SMU1: variants seen among roughly 807,000 people sequenced by gnomAD.
The protein encoded by SMU1 is WD40 repeat-containing protein SMU1.
Under a neutral mutation model 62.0 loss-of-function variants are expected in SMU1, and 2 were observed. The observed-to-expected ratio is 0.03, with a 90% CI of 0.01 to 0.10. SMU1 has a LOEUF of 0.10. Among genes scored for constraint, SMU1 ranks in the 10% least tolerant of loss-of-function variants. The pLI is 1.00. For missense variants in SMU1, 227 were observed against 622.1 expected (o/e 0.36, Z 6.76); for synonymous variants, 188 against 212.4 (o/e 0.89, Z 1.00).
chr9:33,065,131 T>A (rs946843172), intron 4 of SMU1, among the ~76,000 whole-genome samples: 1 of 152,206 alleles, frequency 6.6e-6, no homozygotes, highest in Non-Finnish European at 1.5e-5. Context: ...TCTATAATTT[T>A]AGCCAAAACC....
chr9:33,067,431 GC>G (rs1178263731), intron 4 of SMU1, among the ~76,000 whole-genome samples: 8 of 151,226 alleles, frequency 5.3e-5, no homozygotes, highest in African/African-American at 1.9e-4. Flanking sequence ...TTCACTGTAA[GC>G]CCTGAAGTAC....
At chr9:33,049,403 C>T (rs1471685940) in intron 10 of SMU1, among the ~76,000 whole-genome samples, 1 of 152,138 alleles carries the variant, frequency 6.6e-6, no homozygotes, top group African/African-American at 2.4e-5. Flanking sequence ...TGTATCTAGA[C>T]ACAATAAAAT....
rs1024220933 is a variant in SMU1, at chr9:33,044,517, G to C, written c.*2776C>G. ...CGACCCCGCCGCGGTCTGGCTGTAA[G>C]GGCGCTGGAGGGGAGCTGGGCTGCC... is the stretch of plus-strand genomic sequence containing the variant. On this transcript the variant is annotated 3_prime_UTR_variant, in exon 12 of 12. Coordinates refer to ENST00000397149, the MANE Select transcript of SMU1 (RefSeq NM_018225.3). 3 of 152,322 alleles carry C rather than the reference G, an allele frequency of 2.0e-5. No homozygotes were observed. Among genetic ancestry groups the C allele is most frequent in the African/African-American group, 7.2e-5 (3 of 41,472 alleles). 9.4% of individuals were successfully genotyped at this position (152,322 alleles called of 1,614,324 possible). A position where few individuals can be genotyped will look rare whatever the true frequency, so the allele number is the denominator to read the frequency against.
At chr9:33,047,683 C>A (rs145326715) in intron 11 of SMU1, among the ~76,000 whole-genome samples, 91 of 152,024 alleles carry the variant, frequency 6.0e-4, no homozygotes, top group Middle Eastern at 3.4e-3. Flanking sequence ...CAGGGTGAAA[C>A]CCCGTCTCCA....
chr9:33,048,030 A>G, intron 11 of SMU1, 76 bp downstream of exon 11: 1 of 1,378,068 alleles, frequency 7.3e-7, no homozygotes, highest in South Asian at 1.3e-5. Flanking sequence ...GCTCTGGAAA[A>G]GGCACATACT....
rs996082259 is a variant in SMU1 at position 33,044,020 on chromosome 9, C to T, written c.*3273G>A. ...AAAAAAAAAAAAAAAAAAAGCCATA[C>T]TACTCCCAAATACCTCCGCGCAATG... is the stretch of plus-strand genomic sequence containing the variant. On this transcript the variant is annotated 3_prime_UTR_variant, in exon 12 of 12. Coordinates refer to ENST00000397149, the MANE Select transcript of SMU1 (RefSeq NM_018225.3). 7 of 141,636 alleles carry T rather than the reference C, an allele frequency of 4.9e-5. No homozygotes were observed. Among genetic ancestry groups the T allele is most frequent in the African/African-American group, 1.3e-4 (5 of 38,988 alleles). 8.8% of individuals were successfully genotyped at this position (141,636 alleles called of 1,614,324 possible).
At chr9:33,061,805 CA>C (rs1444007511) in intron 5 of SMU1, among the ~76,000 whole-genome samples, 2 of 152,184 alleles carry the variant, frequency 1.3e-5, no homozygotes, top group Admixed American at 6.5e-5. Context: ...GGAAGAAGTG[CA>C]AGGGCAGATG....
intron 1 of SMU1, among the ~76,000 whole-genome samples, chr9:33,075,923 A>C (rs181634405): frequency 9.2e-5 from 14 of 152,324 alleles, no homozygotes; most frequent in Admixed American, 5.9e-4. Context: ...TTTCTAGCCC[A>C]GTCTCCAGTC....
In SMU1 at chr9:33,045,932, A is replaced by G. The variant is rs545727650; in HGVS notation, c.*1361T>C. 6.6e-6 allele frequency: 1 copy of G among 152,372 alleles called. No individual in the cohort carries two copies. The highest frequency in any genetic ancestry group is 6.5e-5 in the Admixed American group (1 of 15,312). 9.4% of individuals were successfully genotyped at this position (152,372 alleles called of 1,614,324 possible). A position where few individuals can be genotyped will look rare whatever the true frequency, so the allele number is the denominator to read the frequency against. ...CCTTCCCCACTAGTTTGTACCTAATAAATGCTAACATTTAAAAGGGGGCAC... is the reference window on the plus strand; with the variant it reads ...CCTTCCCCACTAGTTTGTACCTAATGAATGCTAACATTTAAAAGGGGGCAC... On this transcript the variant is annotated 3_prime_UTR_variant, in exon 12 of 12. Transcript: ENST00000397149.
intron 5 of SMU1, 86 bp from the exon 6 acceptor site, chr9:33,060,670 C>CCCT (rs1300607929): frequency 6.4e-7 from 1 of 1,552,620 alleles, no homozygotes; most frequent in Non-Finnish European, 8.8e-7. Context: ...AGAAACCCTG[C>CCCT]CCTAGCATAA....
intron 4 of SMU1, among the ~76,000 whole-genome samples, chr9:33,064,963 C>A (rs953193461): frequency 6.6e-6 from 1 of 152,060 alleles, no homozygotes; most frequent in African/African-American, 2.4e-5. Context: ...GGCTGGTCTC[C>A]AACTCCTGAC....
rs1839146096 is a variant in SMU1 at position 33,043,320 on chromosome 9, A to G, written c.*3973T>C. The G allele has an allele frequency of 6.6e-6, 1 of 152,236 alleles. No individual in the cohort carries two copies. Among genetic ancestry groups the G allele is most frequent in the African/African-American group, 2.4e-5 (1 of 41,464 alleles). 9.4% of individuals were successfully genotyped at this position (152,236 alleles called of 1,614,324 possible). ...TCAGTCTTGCACCTTTATCATTTAA[A>G]TTTGGTTATCTCAGCATGAAACTTC... On this transcript the variant is annotated 3_prime_UTR_variant, in exon 12 of 12. Coordinates refer to ENST00000397149, the MANE Select transcript of SMU1 (RefSeq NM_018225.3).
chr9:33,059,750 C>A (rs934630702), intron 6 of SMU1, among the ~76,000 whole-genome samples: 15 of 150,274 alleles, frequency 1.0e-4, no homozygotes. Context: ...GGATTACAGG[C>A]ACCCACCACC....
intron 3 of SMU1, 59 bp from the exon 4 acceptor site, chr9:33,068,993 C>A (rs1264380040): frequency 1.9e-6 from 3 of 1,573,202 alleles, no homozygotes; most frequent in African/African-American, 2.7e-5. Context: ...TATGAGTGTG[C>A]TTATTTAAAA....
intron 10 of SMU1, 25 bp downstream of exon 10, chr9:33,053,098 G>A (rs761973359): frequency 1.1e-5 from 17 of 1,606,880 alleles, no homozygotes; most frequent in Admixed American, 1.7e-5. Flanking sequence ...CAGTTCCTGT[G>A]CAAGGGTACG....
At chr9:33,050,215 C>T (rs1024726007) in intron 10 of SMU1, among the ~76,000 whole-genome samples, 12 of 152,154 alleles carry the variant, frequency 7.9e-5, no homozygotes, top group Admixed American at 7.9e-4. Flanking sequence ...GAATGGCCAA[C>T]ATCCAGAACA....
At position 33,042,735 on chromosome 9, in the gene SMU1, GAC is replaced by G. The variant is rs1839139702; in HGVS notation, c.*4556_*4557del. The stretch of plus-strand genomic sequence containing the variant: ...GCCAAGGTTGAAAGCCACCAACACT[GAC>G]ACATGGATTTAATATTAACCACTTG... On this transcript the variant is annotated 3_prime_UTR_variant, in exon 12 of 12. Transcript: ENST00000397149. 1 of 152,212 alleles carries G rather than the reference GAC, an allele frequency of 6.6e-6. No individual in the cohort carries two copies. Among genetic ancestry groups the G allele is most frequent in the African/African-American group, 2.4e-5 (1 of 41,456 alleles). The allele number at this position is 152,212 out of a possible 1,614,324, so 9.4% of individuals were successfully genotyped here.
At chr9:33,071,484 CTTTTT>C (rs939113808) in intron 3 of SMU1, among the ~76,000 whole-genome samples, 1 of 152,162 alleles carries the variant, frequency 6.6e-6, no homozygotes, top group African/African-American at 2.4e-5. Context: ...AAATGTTCTG[CTTTTT>C]TTACTAACCA....
chr9:33,057,541 C>G, intron 7 of SMU1, 57 bp downstream of exon 7: 1 of 1,597,422 alleles, frequency 6.3e-7, no homozygotes, highest in Non-Finnish European at 8.6e-7. Flanking sequence ...AGGACACTAC[C>G]CCATAGCAGA....
Sources: allele counts gnomAD v4.1 joint callset (sites outside exome capture counted in the v4.1 genomes callset), GRCh38; gene constraint gnomAD v4.1.1; transcripts MANE v1.5; gene names NCBI Gene and HGNC (gene_info 2026-07-23, HGNC 2026-07-21).